The following SNUPN variants were observed in gnomAD, a reference collection of about 807,000 sequenced individuals.
SNUPN encodes the protein snurportin 1, also known as snurportin-1.
Under a neutral mutation model 39.2 loss-of-function variants are expected in SNUPN, and 31 were observed. The ratio of observed to expected loss-of-function variants is 0.79; its 90% CI spans 0.59 to 1.07. SNUPN has a LOEUF of 1.07. SNUPN is among the 50% of genes least tolerant of loss of function. SNUPN has a pLI of 0.00. For missense variants in SNUPN, 382 were observed against 434.2 expected (o/e 0.88, Z 1.07); for synonymous variants, 132 against 159.0 (o/e 0.83, Z 1.28).
rs1378659863 is a variant in SNUPN, at chr15:75,620,999, A to C, written c.53T>G (p.Leu18Arg). ...LASSFSVSQD[L>R]NSTAAPHPRL... ...GGGGTGTGGGGCAGCTGTGCTGTTC[A>C]GATCTTGAGACACAGAAAAGCTACT... is the stretch of plus-strand genomic sequence containing the variant. The change falls in exon 2 of 9, where the codon CTG becomes CGG. Residue 18 changes from leucine to arginine, a missense_variant. Leu to Arg is a moderately radical substitution (Grantham distance 102). Coordinates refer to ENST00000308588, the MANE Select transcript of SNUPN (RefSeq NM_005701.4). 6.2e-7 allele frequency: 1 copy of C among 1,614,132 alleles called. No individual in the cohort carries two copies. The highest frequency in any genetic ancestry group is 2.2e-5 in the East Asian group (1 of 44,890).
At chr15:75,620,551 A>C (rs1461630917) in intron 2 of SNUPN, among the ~76,000 whole-genome samples, 1 of 152,228 alleles carries the variant, frequency 6.6e-6, no homozygotes. Context: ...AAACACAAGC[A>C]TCCCAGGAAA....
chr15:75,605,136 A>T lies in SNUPN; in HGVS notation c.678+14T>A. ...CCCCATAAGGAACTCAGTGATCCTA[A>T]CACCAGGCCTTACAGGATTAAGCTT... On this transcript the variant is annotated intron_variant, in intron 7 of 8. Coordinates refer to ENST00000308588, the MANE Select transcript of SNUPN (RefSeq NM_005701.4). The T allele has an allele frequency of 6.3e-7, 1 of 1,583,134 alleles. No homozygotes were observed. Among genetic ancestry groups the T allele is most frequent in the Non-Finnish European group, 8.7e-7 (1 of 1,153,656 alleles).
chr15:75,617,374 A>ATTAGC, intron 3 of SNUPN, 34 bp downstream of exon 3: 1 of 1,605,406 alleles, frequency 6.2e-7, no homozygotes. Flanking sequence ...AGGGAGTGAG[A>ATTAGC]TTAGCTGGGT....
At chr15:75,622,486 G>A in intron 1 of SNUPN, 1 of 984,926 alleles carries the variant, frequency 1.0e-6, no homozygotes, top group Non-Finnish European at 1.2e-6. Flanking sequence ...CACTTTAGGT[G>A]GACCCTAAAG....
chr15:75,609,901 C>T lies in SNUPN; in HGVS notation c.397G>A (p.Val133Met), dbSNP rs761444376. Residue 133 changes from valine to methionine, a missense_variant, in exon 4 of 9, where the codon GTG becomes ATG. Physicochemically the swap from Val to Met is conservative, Grantham distance 21. Coordinates refer to ENST00000308588, the MANE Select transcript of SNUPN (RefSeq NM_005701.4). ...VCPVGKRALI[V>M]ASRGSTSAYT... ...AGGCAGCTACTCACCCTGGAGGCCA[C>T]GATAAGGGCTCTTTTTCCAACAGGG... The T allele has an allele frequency of 9.3e-6, 15 of 1,613,620 alleles. No homozygotes were observed. Among genetic ancestry groups the T allele is most frequent in the African/African-American group, 1.3e-5 (1 of 74,906 alleles).
intron 3 of SNUPN, among the ~76,000 whole-genome samples, chr15:75,610,470 G>A (rs1006279393): frequency 2.0e-5 from 3 of 151,724 alleles, no homozygotes; most frequent in Non-Finnish European, 4.4e-5. Context: ...TGTGCTCTAG[G>A]GAGTTGGCTG....
Position 75,609,875 on chromosome 15 carries a change from C to G in SNUPN, c.408+15G>C. On this transcript the variant is annotated intron_variant, in intron 4 of 8. Transcript: ENST00000308588. Reference sequence around the variant, plus strand: ...AGACCAGGCCTACTGGCATAGGGGGCAGGCAGCTACTCACCCTGGAGGCCA... The same window carrying G: ...AGACCAGGCCTACTGGCATAGGGGGGAGGCAGCTACTCACCCTGGAGGCCA... 2 of 1,588,090 alleles carry G rather than the reference C, an allele frequency of 1.3e-6. No homozygotes were observed. Among genetic ancestry groups the G allele is most frequent in the South Asian group, 2.2e-5 (2 of 90,440 alleles).
At chr15:75,600,376 G>T (rs911684776) in intron 8 of SNUPN, among the ~76,000 whole-genome samples, 1 of 151,962 alleles carries the variant, frequency 6.6e-6, no homozygotes, top group Non-Finnish European at 1.5e-5. Flanking sequence ...CCAAGTTCAA[G>T]TGATTCTCCT....
intron 8 of SNUPN, among the ~76,000 whole-genome samples, chr15:75,599,141 C>T (rs746900767): frequency 2.6e-5 from 4 of 151,756 alleles, no homozygotes; most frequent in Non-Finnish European, 5.9e-5. Flanking sequence ...TGCACTCCAG[C>T]CTGGCGACAG....
chr15:75,616,668 G>A (rs1446735202), intron 3 of SNUPN, among the ~76,000 whole-genome samples: 2 of 152,110 alleles, frequency 1.3e-5, no homozygotes, highest in Non-Finnish European at 2.9e-5. Context: ...GTATATGATA[G>A]CAGGGTAGAC....
At chr15:75,602,946 T>C (rs1389966219) in intron 7 of SNUPN, among the ~76,000 whole-genome samples, 1 of 152,044 alleles carries the variant, frequency 6.6e-6, no homozygotes, top group Non-Finnish European at 1.5e-5. Flanking sequence ...GATGGGGTTT[T>C]GCCATGTTGC....
At chr15:75,601,396 G>A (rs2075285616) in intron 7 of SNUPN, among the ~76,000 whole-genome samples, 178 bp from the exon 8 acceptor site, 1 of 151,972 alleles carries the variant, frequency 6.6e-6, no homozygotes, top group African/African-American at 2.4e-5. Context: ...CCAACATGGT[G>A]AAACCCCGTC....
intron 3 of SNUPN, 49 bp downstream of exon 3, chr15:75,617,359 A>G: frequency 5.1e-6 from 8 of 1,583,962 alleles, no homozygotes; most frequent in Non-Finnish European, 6.9e-6. Context: ...TTGACTGCAT[A>G]GTAAAGGGAG....
chr15:75,604,368 G>A (rs2075315255), intron 7 of SNUPN, among the ~76,000 whole-genome samples: 1 of 151,902 alleles, frequency 6.6e-6, no homozygotes, highest in Admixed American at 6.6e-5. Context: ...TGCCATGTTG[G>A]TCAGGCTGGT....
At chr15:75,603,610 G>A (rs1295246661) in intron 7 of SNUPN, among the ~76,000 whole-genome samples, 5 of 146,232 alleles carry the variant, frequency 3.4e-5, no homozygotes, top group Admixed American at 6.9e-5. Context: ...GCAGTGAGCC[G>A]AGATCACGCC....
chr15:75,614,632 T>C (rs1384441844), intron 3 of SNUPN, among the ~76,000 whole-genome samples: 1 of 152,150 alleles, frequency 6.6e-6, no homozygotes, highest in African/African-American at 2.4e-5. Context: ...CACTAATTAG[T>C]ATGGGGTTTC....
chr15:75,610,899 G>A lies in SNUPN; in HGVS notation c.304-905C>T, dbSNP rs546415825. On this transcript the variant is annotated intron_variant, in intron 3 of 8. Transcript: ENST00000308588. ...GACTTTGTCCCATGGGCTGGGCGAG[G>A]TGGCTCACGCCTGTAGTCCCAGCAC... Among the ~76,000 whole-genome samples the A allele has an allele frequency of 5.9e-5, 9 of 152,238 alleles. No homozygotes were observed. In the South Asian group the frequency reaches 1.9e-3, roughly 32 times the overall value.
chr15:75,611,794 G>A (rs1364201520), intron 3 of SNUPN, among the ~76,000 whole-genome samples: 3 of 151,794 alleles, frequency 2.0e-5, no homozygotes, highest in South Asian at 4.2e-4. Flanking sequence ...GATGGAGGTT[G>A]CAGTGAGCCG....
chr15:75,601,963 A>AC (rs1417128813), intron 7 of SNUPN, among the ~76,000 whole-genome samples: 6 of 152,212 alleles, frequency 3.9e-5, no homozygotes, highest in Admixed American at 1.3e-4. Flanking sequence ...CTGCATCCTC[A>AC]AATTCCTGGG....
Sources: allele counts gnomAD v4.1 joint callset (sites outside exome capture counted in the v4.1 genomes callset), GRCh38; gene constraint gnomAD v4.1.1; transcripts MANE v1.5; gene names NCBI Gene and HGNC (gene_info 2026-07-23, HGNC 2026-07-21).